PPFIA2: variants seen among roughly 807,000 people sequenced by gnomAD.
PPFIA2 encodes liprin-alpha-2.
A neutral mutation model predicts 175.5 loss-of-function variants in PPFIA2; 46 were observed. The ratio of observed to expected loss-of-function variants is 0.26; its 90% CI spans 0.21 to 0.34. The LOEUF is 0.34. PPFIA2 is among the 10% of genes least tolerant of loss of function. The pLI is 1.00. For missense variants in PPFIA2, 1,179 were observed against 1,506.1 expected, an observed-to-expected ratio of 0.78 and a Z score of 3.60; for synonymous variants, 568 against 511.4, an observed-to-expected ratio of 1.11 and a Z score of -1.49.
chr12:81,428,287 G>C (rs2047495358), intron 7 of PPFIA2, among the ~76,000 whole-genome samples: 1 of 151,892 alleles, frequency 6.6e-6, no homozygotes, highest in Non-Finnish European at 1.5e-5. Flanking sequence ...AGAGAGTCTG[G>C]AAAGATTTGC....
At chr12:81,669,720 G>A (rs2071056934) in intron 4 of PPFIA2, among the ~76,000 whole-genome samples, 1 of 151,872 alleles carries the variant, frequency 6.6e-6, no homozygotes, top group South Asian at 2.1e-4. Context: ...CTGGGTAAAG[G>A]GGACAGCAAT....
At chr12:81,589,977 T>G (rs919928432) in intron 4 of PPFIA2, among the ~76,000 whole-genome samples, 14 of 152,172 alleles carry the variant, frequency 9.2e-5, no homozygotes, top group Admixed American at 7.9e-4. Flanking sequence ...TCTTTGTATT[T>G]TGGAGGTTGC....
intron 27 of PPFIA2, among the ~76,000 whole-genome samples, chr12:81,278,672 C>CA (rs1363743194): frequency 2.0e-5 from 3 of 151,918 alleles, no homozygotes; most frequent in Non-Finnish European, 4.4e-5. Flanking sequence ...GGACAACAGC[C>CA]ATGAGCTTGA....
At chr12:81,645,859 C>T (rs1595952735) in intron 4 of PPFIA2, among the ~76,000 whole-genome samples, 1 of 152,196 alleles carries the variant, frequency 6.6e-6, no homozygotes, top group Non-Finnish European at 1.5e-5. Context: ...GACACCAGCT[C>T]TTTTACAAGA....
chr12:81,611,448 T>C (rs1164100010), intron 4 of PPFIA2, among the ~76,000 whole-genome samples: 1 of 152,044 alleles, frequency 6.6e-6, no homozygotes, highest in Non-Finnish European at 1.5e-5. Flanking sequence ...ACATCCGTGG[T>C]TCATGGTTGG....
At chr12:81,425,885 C>G (rs1473333612) in intron 7 of PPFIA2, among the ~76,000 whole-genome samples, 2 of 152,068 alleles carry the variant, frequency 1.3e-5, no homozygotes, top group African/African-American at 4.8e-5. Context: ...TCTATCAGCA[C>G]TATTTGTAAA....
intron 9 of PPFIA2, among the ~76,000 whole-genome samples, chr12:81,381,106 C>G (rs1267184906): frequency 6.6e-6 from 1 of 152,022 alleles, no homozygotes; most frequent in Non-Finnish European, 1.5e-5. Context: ...GCACCTGGCA[C>G]TTTACACTTT....
chr12:81,703,859 G>A (rs1348213365), intron 3 of PPFIA2, among the ~76,000 whole-genome samples: 1 of 152,026 alleles, frequency 6.6e-6, no homozygotes, highest in Non-Finnish European at 1.5e-5. Context: ...TCTTCGTAAG[G>A]CAATTGTTTA....
At chr12:81,557,055 A>G (rs889284265) in intron 4 of PPFIA2, among the ~76,000 whole-genome samples, 35 of 151,442 alleles carry the variant, frequency 2.3e-4, no homozygotes, top group African/African-American at 8.0e-4. Flanking sequence ...TTTTTCCCTC[A>G]ATGAGACCAT....
intron 7 of PPFIA2, among the ~76,000 whole-genome samples, chr12:81,425,200 A>C (rs1355451221): frequency 6.6e-6 from 1 of 152,208 alleles, no homozygotes; most frequent in Non-Finnish European, 1.5e-5. Context: ...GGGATCCATC[A>C]ACTTGAAGGT....
chr12:81,625,170 T>C (rs571589883), intron 4 of PPFIA2, among the ~76,000 whole-genome samples: 2 of 151,966 alleles, frequency 1.3e-5, no homozygotes, highest in African/African-American at 4.8e-5. Context: ...TATATCTGTA[T>C]GACTACATAA....
chr12:81,438,161 C>T (rs2049438910), intron 7 of PPFIA2, among the ~76,000 whole-genome samples: 1 of 152,034 alleles, frequency 6.6e-6, no homozygotes, highest in South Asian at 2.1e-4. Context: ...TTTAATTAAT[C>T]TAGCTTATTT....
At chr12:81,291,383 A>T (rs551239948) in intron 24 of PPFIA2, among the ~76,000 whole-genome samples, 15 of 151,900 alleles carry the variant, frequency 9.9e-5, no homozygotes, top group Middle Eastern at 3.2e-3. Context: ...TCTATTGCAC[A>T]TTTTGGAGTT....
intron 4 of PPFIA2, among the ~76,000 whole-genome samples, chr12:81,485,482 T>C (rs1368711151): frequency 6.6e-6 from 1 of 151,778 alleles, no homozygotes. Flanking sequence ...AAGAGTACTT[T>C]CCCCAAATAA....
intron 7 of PPFIA2, among the ~76,000 whole-genome samples, chr12:81,422,140 GTATATATATGTGTGTATATATATA>G (rs2046380633): frequency 1.5e-5 from 1 of 65,880 alleles, no homozygotes; most frequent in African/African-American, 1.2e-4. Context: ...ATATATATGT[GTATATATATGTGTGTATATATATA>G]TATATATATG....
At chr12:81,501,187 A>G (rs1193775187) in intron 4 of PPFIA2, among the ~76,000 whole-genome samples, 1 of 152,184 alleles carries the variant, frequency 6.6e-6, no homozygotes, top group Non-Finnish European at 1.5e-5. Flanking sequence ...ATCCAAATTC[A>G]TTCTCATACA....
At chr12:81,305,051 C>T (rs372302221) in intron 22 of PPFIA2, among the ~76,000 whole-genome samples, 1 of 152,068 alleles carries the variant, frequency 6.6e-6, no homozygotes, top group East Asian at 2.0e-4. Flanking sequence ...AATAGGGATT[C>T]AGGCACACAG....
At chr12:81,663,251 C>T (rs1180443424) in intron 4 of PPFIA2, among the ~76,000 whole-genome samples, 1 of 152,090 alleles carries the variant, frequency 6.6e-6, no homozygotes, top group Non-Finnish European at 1.5e-5. Flanking sequence ...GTCAAATTGT[C>T]CCTGTTTGCA....
intron 4 of PPFIA2, among the ~76,000 whole-genome samples, chr12:81,557,277 G>C (rs2069063253): frequency 6.6e-6 from 1 of 151,670 alleles, no homozygotes; most frequent in African/African-American, 2.4e-5. Flanking sequence ...AATATAAAGA[G>C]TAATTTCTAA....
Sources: gnomAD v4.1 joint callset for allele counts (sites outside exome capture counted in the v4.1 genomes callset) on GRCh38, gnomAD v4.1.1 for gene constraint, MANE v1.5 for transcripts, NCBI Gene and HGNC (gene_info 2026-07-23, HGNC 2026-07-21) for gene names.